The following SYT1 variants were observed in gnomAD, a reference collection of about 807,000 sequenced individuals.
SYT1 encodes synaptotagmin-1.
Under a neutral mutation model 44.8 loss-of-function variants are expected in SYT1, and 8 were observed. The observed-to-expected ratio is 0.18, with a 90% CI of 0.10 to 0.32. The LOEUF (loss-of-function observed/expected upper bound fraction) is 0.32, where lower values mean the gene tolerates loss of function less well. SYT1 is among the 10% of genes least tolerant of loss of function. SYT1 has a pLI of 1.00. For missense variants in SYT1, 286 were observed against 509.3 expected, an observed-to-expected ratio of 0.56 and a Z score of 4.22; for synonymous variants, 154 against 188.8, an observed-to-expected ratio of 0.82 and a Z score of 1.51.
At chr12:79,024,295 A>C (rs1872384763) in intron 2 of SYT1, among the ~76,000 whole-genome samples, 1 of 151,740 alleles carries the variant, frequency 6.6e-6, no homozygotes, top group African/African-American at 2.4e-5. Context: ...GATGGGTTGG[A>C]GAGCACCTAT....
At chr12:79,218,262 T>C (rs905021039) in intron 4 of SYT1, among the ~76,000 whole-genome samples, 2 of 152,206 alleles carry the variant, frequency 1.3e-5, no homozygotes, top group Non-Finnish European at 2.9e-5. Context: ...GATAAAATCA[T>C]ACTATTGTAC....
At chr12:78,968,726 C>T (rs183907750) in intron 1 of SYT1, among the ~76,000 whole-genome samples, 131 of 152,190 alleles carry the variant, frequency 8.6e-4, no homozygotes, top group Non-Finnish European at 9.9e-4. Context: ...ACCTAATTAA[C>T]CCAGACTTTA....
chr12:78,904,011 C>A (rs1465834950), intron 1 of SYT1, among the ~76,000 whole-genome samples: 2 of 151,688 alleles, frequency 1.3e-5, no homozygotes, highest in African/African-American at 4.8e-5. Flanking sequence ...ATTAATGGAA[C>A]CAAGTAACTA....
At chr12:79,363,094 G>A (rs1883382402) in intron 9 of SYT1, among the ~76,000 whole-genome samples, 1 of 151,880 alleles carries the variant, frequency 6.6e-6, no homozygotes. Context: ...TCCTTCAGTT[G>A]GCCACTTCTA....
At chr12:79,432,237 A>G (rs529411097) in intron 9 of SYT1, among the ~76,000 whole-genome samples, 25 of 152,008 alleles carry the variant, frequency 1.6e-4, no homozygotes, top group Admixed American at 3.3e-4. Flanking sequence ...TTATACTTTA[A>G]GTTCTAGGGT....
At chr12:79,238,146 T>G (rs1876295654) in intron 4 of SYT1, among the ~76,000 whole-genome samples, 1 of 148,408 alleles carries the variant, frequency 6.7e-6, no homozygotes, top group East Asian at 1.9e-4. Context: ...CAATATATTG[T>G]ATATACTACA....
chr12:78,891,617 T>C (rs906300713), intron 1 of SYT1, among the ~76,000 whole-genome samples: 1 of 151,896 alleles, frequency 6.6e-6, no homozygotes, highest in Non-Finnish European at 1.5e-5. Flanking sequence ...TATTTACATA[T>C]GGAAGAAGGT....
chr12:79,445,087 G>A (rs1870631244), intron 10 of SYT1, among the ~76,000 whole-genome samples: 1 of 151,986 alleles, frequency 6.6e-6, no homozygotes, highest in Non-Finnish European at 1.5e-5. Context: ...ATAACTTGAA[G>A]GAAAAACAAA....
At chr12:79,385,524 A>C (rs758716344) in intron 9 of SYT1, among the ~76,000 whole-genome samples, 34 of 152,172 alleles carry the variant, frequency 2.2e-4, no homozygotes, top group Non-Finnish European at 4.0e-4. Context: ...ATTGTCAGCC[A>C]CAATTAAAAT....
intron 3 of SYT1, among the ~76,000 whole-genome samples, chr12:79,068,973 C>T (rs1876077993): frequency 6.6e-6 from 1 of 152,136 alleles, no homozygotes; most frequent in Admixed American, 6.6e-5. Flanking sequence ...TATAGCTTAC[C>T]TGTTTCCATC....
rs566175647 is a variant in SYT1, at chr12:78,894,330, G to GTTTTTTTTTTTTTTTTTTTTTTTTTTT, written c.-217+29230_-217+29256dup. On this transcript the variant is annotated intron_variant, in intron 1 of 10. Transcript: ENST00000261205. The stretch of plus-strand genomic sequence containing the variant: ...AATTTATGATTGTGTTTTTTAATCT[G>GTTTTTTTTTTTTTTTTTTTTTTTTTTT]TTTTTTTTTTTTTTTTTTTTTTTTT... Among the ~76,000 whole-genome samples, 17 of 27,710 alleles carry GTTTTTTTTTTTTTTTTTTTTTTTTTTT rather than the reference G, an allele frequency of 6.1e-4. 6 individuals are homozygous for GTTTTTTTTTTTTTTTTTTTTTTTTTTT. The highest frequency in any genetic ancestry group is 8.4e-4 in the African/African-American group (7 of 8,374). 18.2% of individuals were successfully genotyped at this position (27,710 alleles called of 152,430 possible). A position where few individuals can be genotyped will look rare whatever the true frequency, so the allele number is the denominator to read the frequency against.
intron 5 of SYT1, among the ~76,000 whole-genome samples, chr12:79,288,859 T>G (rs1310785084): frequency 1.3e-5 from 2 of 152,150 alleles, no homozygotes; most frequent in Admixed American, 1.3e-4. Context: ...CCTCTGCTAC[T>G]TAGACATCCC....
chr12:79,017,015 T>C (rs1871851473), intron 2 of SYT1, among the ~76,000 whole-genome samples: 1 of 152,088 alleles, frequency 6.6e-6, no homozygotes, highest in East Asian at 1.9e-4. Context: ...ACAAATTTTC[T>C]TACATCCATC....
chr12:79,324,230 G>A (rs190954160), intron 8 of SYT1, among the ~76,000 whole-genome samples: 3 of 152,204 alleles, frequency 2.0e-5, no homozygotes, highest in Non-Finnish European at 4.4e-5. Context: ...GATTACAGGC[G>A]TGAGCCACCG....
intron 1 of SYT1, among the ~76,000 whole-genome samples, chr12:78,908,517 T>C (rs1404969361): frequency 6.6e-6 from 1 of 151,866 alleles, no homozygotes; most frequent in Non-Finnish European, 1.5e-5. Context: ...AATATAAAAC[T>C]GAACAGAACT....
chr12:79,335,325 G>T (rs942470048), intron 8 of SYT1, among the ~76,000 whole-genome samples: 1 of 150,248 alleles, frequency 6.7e-6, no homozygotes, highest in Non-Finnish European at 1.5e-5. Context: ...GCCTTTCCTC[G>T]TATTTCTTCT....
rs1290803694 is a variant in SYT1, at chr12:79,450,002, TCAA to T, written c.*881_*883del. ...GGGGAGAAGAAGCTAAGGGGAGAAGTCAACATTTATGAAATATTGCCTGACTAT... is the reference window on the plus strand; with the variant it reads ...GGGGAGAAGAAGCTAAGGGGAGAAGTCATTTATGAAATATTGCCTGACTAT... On this transcript the variant is annotated 3_prime_UTR_variant, in exon 11 of 11. Coordinates refer to ENST00000261205, the MANE Select transcript of SYT1 (RefSeq NM_005639.3). 2 of 151,138 alleles carry T rather than the reference TCAA, an allele frequency of 1.3e-5. No individual in the cohort carries two copies. Among genetic ancestry groups the T allele is most frequent in the Non-Finnish European group, 2.9e-5 (2 of 67,924 alleles). 9.4% of individuals were successfully genotyped at this position (151,138 alleles called of 1,614,324 possible).
At chr12:79,041,996 G>A (rs1873617627) in intron 2 of SYT1, among the ~76,000 whole-genome samples, 1 of 151,964 alleles carries the variant, frequency 6.6e-6, no homozygotes, top group Non-Finnish European at 1.5e-5. Flanking sequence ...TGGTGGATAA[G>A]CTTTTTGATG....
chr12:79,145,826 C>A (rs1176832036), intron 3 of SYT1, among the ~76,000 whole-genome samples: 2 of 150,960 alleles, frequency 1.3e-5, no homozygotes, highest in Non-Finnish European at 3.0e-5. Flanking sequence ...GGCGGGATCT[C>A]GGCTCACTGC....
Sources: gnomAD v4.1 joint callset for allele counts (sites outside exome capture counted in the v4.1 genomes callset) on GRCh38, gnomAD v4.1.1 for gene constraint, MANE v1.5 for transcripts, NCBI Gene and HGNC (gene_info 2026-07-23, HGNC 2026-07-21) for gene names.